Variants in TUSC3 observed in about 807,000 individuals in gnomAD.
TUSC3 encodes the protein dolichyl-diphosphooligosaccharide--protein glycosyltransferase subunit TUSC3.
TUSC3 carries 45 observed loss-of-function variants against 44.8 expected under a neutral mutation model. The observed-to-expected ratio is 1.00, with a 90% confidence interval of 0.79 to 1.29. The LOEUF is 1.29. Ranked by LOEUF, TUSC3 falls within the 50% of genes most tolerant of loss-of-function variation. TUSC3 has a pLI of 0.00. For missense variants in TUSC3, 519 were observed against 437.9 expected, an observed-to-expected ratio of 1.19 and a Z score of -1.65; for synonymous variants, 212 against 152.9, an observed-to-expected ratio of 1.39 and a Z score of -2.85.
At chr8:15,743,658 G>C (rs755769697) in intron 8 of TUSC3, 46 bp downstream of exon 8, 2 of 1,593,496 alleles carry the variant, frequency 1.3e-6, no homozygotes, top group East Asian at 2.2e-5. Context: ...TTAGTCTTAA[G>C]ATTCATTTAA....
intron 2 of TUSC3, among the ~76,000 whole-genome samples, chr8:15,628,226 A>G (rs1268124507): frequency 6.6e-6 from 1 of 152,176 alleles, no homozygotes; most frequent in East Asian, 1.9e-4. Flanking sequence ...TTTTATAACA[A>G]TCTAGAAATA....
intron 4 of TUSC3, among the ~76,000 whole-genome samples, chr8:15,660,925 A>G (rs1012460863): frequency 2.0e-5 from 3 of 150,296 alleles, no homozygotes; most frequent in Non-Finnish European, 3.0e-5. Flanking sequence ...AAAAAAACCC[A>G]TAAAACTATA....
chr8:15,622,208 T>G (rs1420020688), intron 1 of TUSC3, among the ~76,000 whole-genome samples: 1 of 152,182 alleles, frequency 6.6e-6, no homozygotes, highest in Admixed American at 6.5e-5. Context: ...CTTTGTCTTG[T>G]AGGAATACAG....
rs1315555276 is a variant in TUSC3, at chr8:15,757,800, CTT to C, written c.1040_1041del (p.Phe347Ter). On this transcript the variant is annotated frameshift_variant, in exon 10 of 11. Coordinates refer to ENST00000503731, the MANE Select transcript of TUSC3 (RefSeq NM_006765.4). LOFTEE classifies it high-confidence loss of function. ...YHGYPYSDLD[F>X]E ...GTGGTGTATTGGAAAGTGATCTGGA[CTT>C]TGAGTGAGAAGATGTGATTTGGACC... The C allele has an allele frequency of 6.9e-7, 1 of 1,442,526 alleles. No homozygotes were observed. The highest frequency in any genetic ancestry group is 9.8e-7 in the Non-Finnish European group (1 of 1,023,948). The allele number at this position is 1,442,526 out of a possible 1,614,324, so 89.4% of individuals were successfully genotyped here.
chr8:15,785,314 A>G, the TUSC3 span, among the ~76,000 whole-genome samples: 1 of 152,204 alleles, frequency 6.6e-6, no homozygotes, highest in Non-Finnish European at 1.5e-5. Context: ...TCACCCACAT[A>G]TTGGTACAAC....
At chr8:15,501,033 C>G (rs945265223) in intron 2 of TUSC3, among the ~76,000 whole-genome samples, 1 of 152,044 alleles carries the variant, frequency 6.6e-6, no homozygotes, top group African/African-American at 2.4e-5. Context: ...TGTATTCTTG[C>G]TATCTTCCTT....
At chr8:15,568,150 T>C (rs1360335081) in intron 1 of TUSC3, among the ~76,000 whole-genome samples, 1 of 152,132 alleles carries the variant, frequency 6.6e-6, no homozygotes, top group African/African-American at 2.4e-5. Flanking sequence ...ACCTTGCTCA[T>C]TGGCCTGTGA....
intron 5 of TUSC3, among the ~76,000 whole-genome samples, chr8:15,673,473 C>G (rs868336007): frequency 6.6e-6 from 1 of 152,014 alleles, no homozygotes; most frequent in African/African-American, 2.4e-5. Flanking sequence ...TTGCCTGTCA[C>G]CAGGCCAGAT....
intron 6 of TUSC3, among the ~76,000 whole-genome samples, chr8:15,688,086 C>G (rs908128685): frequency 6.6e-6 from 1 of 151,880 alleles, no homozygotes; most frequent in Non-Finnish European, 1.5e-5. Context: ...TTTTCATATT[C>G]TTTAATTTTT....
chr8:15,517,240 A>G (rs555475112), intron 2 of TUSC3, among the ~76,000 whole-genome samples: 1 of 152,274 alleles, frequency 6.6e-6, no homozygotes, highest in Non-Finnish European at 1.5e-5. Context: ...AAACTGAAGA[A>G]CAAATAATTG....
intron 1 of TUSC3, among the ~76,000 whole-genome samples, chr8:15,430,229 A>G (rs1297873253): frequency 2.7e-5 from 4 of 146,094 alleles, no homozygotes; most frequent in Non-Finnish European, 6.0e-5. Context: ...AAAATCCTCA[A>G]TAAAATACTG....
At chr8:15,715,617 T>C (rs1585259760) in intron 6 of TUSC3, among the ~76,000 whole-genome samples, 1 of 152,100 alleles carries the variant, frequency 6.6e-6, no homozygotes, top group Non-Finnish European at 1.5e-5. Flanking sequence ...TTTTGGACTG[T>C]AGTTGACAGC....
chr8:15,745,513 G>A (rs896079788), intron 8 of TUSC3, among the ~76,000 whole-genome samples: 1 of 151,890 alleles, frequency 6.6e-6, no homozygotes, highest in East Asian at 1.9e-4. Flanking sequence ...GAGTGAGATG[G>A]TATCTCATTG....
intron 6 of TUSC3, among the ~76,000 whole-genome samples, chr8:15,691,650 A>G (rs1049563525): frequency 6.6e-6 from 1 of 152,232 alleles, no homozygotes; most frequent in Admixed American, 6.5e-5. Flanking sequence ...TGGGTTTTTC[A>G]TAGAGGGCTG....
chr8:15,738,280 G>T (rs1811021291), intron 7 of TUSC3, among the ~76,000 whole-genome samples: 1 of 152,136 alleles, frequency 6.6e-6, no homozygotes, highest in East Asian at 1.9e-4. Context: ...AAGGTTGTGT[G>T]CACAAATGTT....
chr8:15,540,524 C>G lies in TUSC3; in HGVS notation c.94C>G (p.Leu32Val). 1 of 1,606,030 alleles carries G rather than the reference C, an allele frequency of 6.2e-7. No individual in the cohort carries two copies. Among genetic ancestry groups the G allele is most frequent in the Non-Finnish European group, 8.5e-7 (1 of 1,176,848 alleles). Reference protein sequence around the residue: ...TGSFPFLLLLLLLCIQLGGGQ... With the variant: ...TGSFPFLLLLVLLCIQLGGGQ... ...GAGCTTTCCCTTCCTTCTCCTGCTG[C>G]TGCTGCTCTGCATCCAGCTCGGGGG... Residue 32 changes from leucine (L) to valine (V), a missense_variant, in exon 1 of 11, where the codon CTG (leucine) becomes GTG (valine). Physicochemically the swap from Leu to Val is conservative, Grantham distance 32 (BLOSUM62 1). Coordinates refer to ENST00000503731, the MANE Select transcript of TUSC3 (RefSeq NM_006765.4).
intron 1 of TUSC3, among the ~76,000 whole-genome samples, chr8:15,447,531 A>C (rs1357129959): frequency 1.3e-5 from 2 of 152,160 alleles, no homozygotes; most frequent in Non-Finnish European, 2.9e-5. Context: ...CAAAACCGAA[A>C]ACGTTGGCTA....
intron 1 of TUSC3, among the ~76,000 whole-genome samples, chr8:15,444,734 A>G (rs1277628434): frequency 1.3e-5 from 2 of 151,846 alleles, no homozygotes; most frequent in African/African-American, 4.8e-5. Flanking sequence ...TCGGTTCTCT[A>G]ACTCAGAAAT....
At chr8:15,535,704 A>G (rs961916073), upstream of TUSC3, among the ~76,000 whole-genome samples, 56 of 152,218 alleles carry the variant, frequency 3.7e-4, no homozygotes. Context: ...AAGACTAGAA[A>G]TAAATGAAAC....
Sources: allele counts gnomAD v4.1 joint callset (sites outside exome capture counted in the v4.1 genomes callset), GRCh38; gene constraint gnomAD v4.1.1; transcripts MANE v1.5; gene names NCBI Gene and HGNC (gene_info 2026-07-23, HGNC 2026-07-21).